DAB1: variants seen among roughly 807,000 people sequenced by gnomAD.
DAB1 encodes DAB adaptor protein 1, also known as disabled homolog 1.
In DAB1, 15 loss-of-function variants were observed where a neutral mutation model predicts 64.6. That is an observed-to-expected ratio of 0.23 (90% CI 0.16 to 0.36). DAB1 has a LOEUF of 0.36. Among genes scored for constraint, DAB1 ranks in the 10% least tolerant of loss-of-function variants. DAB1 has a pLI of 1.00. For synonymous variants in DAB1, 235 were observed against 251.9 expected, an observed-to-expected ratio of 0.93 and a Z score of 0.64; for missense variants, 596 against 706.7, an observed-to-expected ratio of 0.84 and a Z score of 1.78.
intron 5 of DAB1, among the ~76,000 whole-genome samples, chr1:57,902,414 C>G (rs904998362): frequency 6.6e-6 from 1 of 151,468 alleles, no homozygotes; most frequent in Non-Finnish European, 1.5e-5. Context: ...TCTGGGTAAC[C>G]ACAATACTAC....
intron 4 of DAB1, among the ~76,000 whole-genome samples, chr1:58,205,865 G>A (rs529585059): frequency 9.7e-4 from 148 of 152,270 alleles, no homozygotes; most frequent in Non-Finnish European, 6.8e-4. Context: ...AAGGCAGAGC[G>A]GACCAATCTG....
chr1:58,470,482 G>A (rs1376281582), intron 3 of DAB1, among the ~76,000 whole-genome samples: 1 of 150,956 alleles, frequency 6.6e-6, no homozygotes, highest in Non-Finnish European at 1.5e-5. Context: ...CCAGAGCTGG[G>A]ACTTTTCATG....
At chr1:58,140,723 T>C (rs1654237220) in intron 5 of DAB1, among the ~76,000 whole-genome samples, 1 of 152,228 alleles carries the variant, frequency 6.6e-6, no homozygotes, top group African/African-American at 2.4e-5. Flanking sequence ...GCAGAATTTC[T>C]GGCACACAGT....
At chr1:58,208,629 CT>C (rs1458442506) in intron 4 of DAB1, among the ~76,000 whole-genome samples, 3 of 152,050 alleles carry the variant, frequency 2.0e-5, no homozygotes, top group Non-Finnish European at 4.4e-5. Flanking sequence ...TATTTCATTC[CT>C]TTTTATGGCT....
chr1:58,535,571 G>A (rs1366430757), intron 1 of DAB1, among the ~76,000 whole-genome samples: 2 of 146,096 alleles, frequency 1.4e-5, no homozygotes, highest in Non-Finnish European at 3.0e-5. Flanking sequence ...AGTACAGCCT[G>A]GGTGACAGAG....
chr1:57,143,889 A>C (rs558811745), intron 3 of DAB1, among the ~76,000 whole-genome samples: 228 of 150,914 alleles, frequency 1.5e-3, no homozygotes, highest in African/African-American at 5.3e-3. Flanking sequence ...TCATGTCTTC[A>C]TGGGCTATTT....
chr1:57,580,790 A>G (rs545315832), intron 7 of DAB1, among the ~76,000 whole-genome samples: 1 of 152,264 alleles, frequency 6.6e-6, no homozygotes, highest in East Asian at 1.9e-4. Context: ...TCCTCATAAT[A>G]ATCTTATAAT....
intron 7 of DAB1, among the ~76,000 whole-genome samples, chr1:57,438,239 C>T (rs1685769718): frequency 6.6e-6 from 1 of 151,856 alleles, no homozygotes; most frequent in African/African-American, 2.4e-5. Flanking sequence ...AAAAAAATTA[C>T]CTGTTTTCCT....
At chr1:57,253,329 G>A (rs79397129) in intron 2 of DAB1, among the ~76,000 whole-genome samples, 96 of 152,248 alleles carry the variant, frequency 6.3e-4, no homozygotes, top group African/African-American at 2.3e-3. Flanking sequence ...ACCTGGGAGG[G>A]ATCTAAGTCA....
rs146465598 is a variant in DAB1, at chr1:57,176,970, T to TACAAAA, written c.68-31542_68-31541insTTTTGT. On this transcript the variant is annotated intron_variant, in intron 2 of 14. Coordinates refer to ENST00000371236, the MANE Select transcript of DAB1 (RefSeq NM_001365792.1). ...GATAAAAAAAAGAAGCAGCAGCAGA[T>TACAAAA]ATAAAAAAAAAAAAAAAAAAAAGCC... 1.2e-3 allele frequency among the ~76,000 whole-genome samples: 73 copies of TACAAAA among 61,030 alleles called. 8 individuals are homozygous for TACAAAA. The highest frequency in any genetic ancestry group is 2.4e-3 in the African/African-American group (62 of 25,674). The allele number at this position is 61,030 out of a possible 152,430, so 40.0% of individuals were successfully genotyped here.
chr1:57,083,954 G>C (rs1286415077), intron 4 of DAB1, among the ~76,000 whole-genome samples: 1 of 152,178 alleles, frequency 6.6e-6, no homozygotes, highest in Non-Finnish European at 1.5e-5. Flanking sequence ...GATTATGCTG[G>C]TAAAGTGCCT....
intron 2 of DAB1, among the ~76,000 whole-genome samples, chr1:57,281,263 G>C (rs1157473119): frequency 6.6e-6 from 1 of 152,136 alleles, no homozygotes; most frequent in African/African-American, 2.4e-5. Flanking sequence ...GTGGTTGAGA[G>C]CACACAGCAT....
Position 57,819,590 on chromosome 1 carries a change from G to A in DAB1, n.551+64409C>T, listed in dbSNP as rs185609916. Among the ~76,000 whole-genome samples the A allele has an allele frequency of 5.3e-4, 81 of 152,268 alleles. No homozygotes were observed. In the East Asian group the frequency reaches 0.014, roughly 26 times the overall value. On this transcript the variant is annotated intron_variant and non_coding_transcript_variant, in intron 6 of 20. Coordinates refer to the DAB1 transcript ENST00000485760. ...AGTTAAGAGAGAGCTTTCTTTGCTG[G>A]CAAATTCATTTCCCATAAAGAGAGG...
chr1:57,153,699 G>A (rs554295294), intron 2 of DAB1, among the ~76,000 whole-genome samples: 28 of 151,930 alleles, frequency 1.8e-4, no homozygotes, highest in Admixed American at 7.9e-4. Flanking sequence ...GGGCAGTGGC[G>A]CAATCTCGGC....
At chr1:58,287,470 T>C (rs1557722820) in intron 4 of DAB1, among the ~76,000 whole-genome samples, 1 of 152,146 alleles carries the variant, frequency 6.6e-6, no homozygotes, top group Non-Finnish European at 1.5e-5. Context: ...ACCTGAAGAC[T>C]ACCTTGGGCT....
intron 9 of DAB1, among the ~76,000 whole-genome samples, chr1:57,049,671 C>A (rs2100520395): frequency 6.6e-6 from 1 of 152,108 alleles, no homozygotes; most frequent in South Asian, 2.1e-4. Context: ...ATGCCTGCCC[C>A]TAGGCTACAC....
At chr1:57,201,149 C>T (rs1665063357) in intron 2 of DAB1, among the ~76,000 whole-genome samples, 2 of 152,210 alleles carry the variant, frequency 1.3e-5, no homozygotes, top group Non-Finnish European at 2.9e-5. Context: ...TGCAAAGCCA[C>T]TAAATGAGAC....
chr1:57,180,474 T>TA (rs1343369143), intron 2 of DAB1, among the ~76,000 whole-genome samples: 2 of 152,174 alleles, frequency 1.3e-5, no homozygotes, highest in East Asian at 3.9e-4. Context: ...GACTTCAAAC[T>TA]AAAAAAGCAG....
intron 2 of DAB1, among the ~76,000 whole-genome samples, chr1:57,196,442 G>T (rs926438787): frequency 9.9e-5 from 15 of 152,168 alleles, no homozygotes; most frequent in African/African-American, 3.6e-4. Flanking sequence ...AGTGTGGGAG[G>T]CAGGTGGGCT....
Sources: allele counts gnomAD v4.1 joint callset (sites outside exome capture counted in the v4.1 genomes callset), GRCh38; gene constraint gnomAD v4.1.1; transcripts MANE v1.5; gene names NCBI Gene and HGNC (gene_info 2026-07-23, HGNC 2026-07-21).